Variants in ABHD2 observed in about 807,000 individuals in gnomAD.
ABHD2 encodes the protein monoacylglycerol lipase ABHD2.
A neutral mutation model predicts 48.1 loss-of-function variants in ABHD2; 20 were observed. The observed-to-expected ratio is 0.42, with a 90% confidence interval of 0.29 to 0.60. The LOEUF is 0.60. Among genes scored for constraint, ABHD2 ranks in the 20% least tolerant of loss-of-function variants. The probability of loss-of-function intolerance (pLI) is 0.24; values close to 1 mark genes in which losing one functional copy is unlikely to be tolerated. For synonymous variants in ABHD2, 209 were observed against 214.2 expected (o/e 0.98, Z 0.21); for missense variants, 405 against 550.9 (o/e 0.74, Z 2.65).
the ABHD2 span, among the ~76,000 whole-genome samples, chr15:89,060,948 C>G: frequency 6.6e-6 from 1 of 151,750 alleles, no homozygotes; most frequent in Non-Finnish European, 1.5e-5. Context: ...AACAGGAATG[C>G]AGCTAGAGGC....
In ABHD2 at chr15:89,164,068, G is replaced by A. The variant is rs770905686; in HGVS notation, c.538+8534G>A. Among the ~76,000 whole-genome samples, 9 of 152,222 alleles carry A rather than the reference G, an allele frequency of 5.9e-5. No homozygotes were observed. The highest frequency in any genetic ancestry group is 1.3e-4 in the Non-Finnish European group (9 of 68,042). ...CATCCAAGAGCATCTCAGAGCCACAGAATTGGACCTGTGGGTTTGGTCTTT... is the reference window on the plus strand; with the variant it reads ...CATCCAAGAGCATCTCAGAGCCACAAAATTGGACCTGTGGGTTTGGTCTTT... On this transcript the variant is annotated intron_variant, in intron 5 of 10. Transcript: ENST00000352732. This position sits in a 1 kb window ranked among gnomAD's most constrained non-coding sequence, Gnocchi z 5.0.
chr15:89,100,666 G>A lies in ABHD2; in HGVS notation c.-107+12103G>A, dbSNP rs546299792. ...GGGTGGATCACGAGGTCAGGAGTTCGAGACCAGCCTGGCCAACATAGTGAA... is the reference window on the plus strand; with the variant it reads ...GGGTGGATCACGAGGTCAGGAGTTCAAGACCAGCCTGGCCAACATAGTGAA... On this transcript the variant is annotated intron_variant, in intron 1 of 10. Transcript: ENST00000352732. The surrounding 1 kb of genome is among the most constrained non-coding windows in gnomAD (Gnocchi z 4.4). Among the ~76,000 whole-genome samples, 3 of 152,184 alleles carry A rather than the reference G, an allele frequency of 2.0e-5. No homozygotes were observed. Among genetic ancestry groups the A allele is most frequent in the South Asian group, 4.2e-4 (2 of 4,806 alleles).
the ABHD2 span, among the ~76,000 whole-genome samples, chr15:89,049,854 A>G: frequency 6.6e-6 from 1 of 152,208 alleles, no homozygotes; most frequent in Non-Finnish European, 1.5e-5. Flanking sequence ...CATCTTTTGC[A>G]TCGCTCATGC....
chr15:89,174,371 T>C lies in ABHD2; in HGVS notation c.539-1441T>C, dbSNP rs1009483846. Among the ~76,000 whole-genome samples, 1 of 152,218 alleles carries C rather than the reference T, an allele frequency of 6.6e-6. No homozygotes were observed. Among genetic ancestry groups the C allele is most frequent in the Admixed American group, 6.5e-5 (1 of 15,282 alleles). On this transcript the variant is annotated intron_variant, in intron 5 of 10. Transcript: ENST00000352732. This position sits in a 1 kb window ranked among gnomAD's most constrained non-coding sequence, Gnocchi z 4.1. ...ACAAAGTCACTATAGATTCCTGGGCTTGGTCCCCATCTTACAGAATCAGCT... is the reference window on the plus strand; with the variant it reads ...ACAAAGTCACTATAGATTCCTGGGCCTGGTCCCCATCTTACAGAATCAGCT...
At position 89,201,712 on chromosome 15, in the gene ABHD2, C is replaced by T; in HGVS notation, c.*6289C>T. The stretch of plus-strand genomic sequence containing the variant: ...AATTTAAGATTTGTAGTGACTACAT[C>T]TGTGAAGGGGCCTTTGAATTTGAGG... On this transcript the variant is annotated 3_prime_UTR_variant, in exon 11 of 11. Transcript: ENST00000352732. 2 of 1,607,058 alleles carry T rather than the reference C, an allele frequency of 1.2e-6. No individual in the cohort carries two copies. Among genetic ancestry groups the T allele is most frequent in the South Asian group, 1.1e-5 (1 of 90,952 alleles).
chr15:89,150,932 T>A (rs10520682), intron 3 of ABHD2, among the ~76,000 whole-genome samples: 9,221 of 152,288 alleles, frequency 0.061, 981 homozygotes, highest in African/African-American at 0.21. Context: ...GTAACTTGGA[T>A]CATCTTCTTT....
the ABHD2 span, among the ~76,000 whole-genome samples, chr15:89,052,583 C>T: frequency 1.4e-5 from 2 of 147,554 alleles, no homozygotes; most frequent in East Asian, 2.0e-4. Flanking sequence ...ACACACACGA[C>T]ACACACACAA....
chr15:89,043,472 A>C, the ABHD2 span, among the ~76,000 whole-genome samples: 3 of 140,840 alleles, frequency 2.1e-5, no homozygotes, highest in Non-Finnish European at 4.6e-5. Flanking sequence ...GGAGAAGGAG[A>C]AGGAGAGGAA....
chr15:89,096,818 A>G (rs1454810243), intron 1 of ABHD2, among the ~76,000 whole-genome samples: 2 of 152,236 alleles, frequency 1.3e-5, no homozygotes, highest in African/African-American at 4.8e-5. Flanking sequence ...TGCAGCCAAC[A>G]CTTACCTTCT....
In ABHD2 at chr15:89,115,408, GTGTGTGTGTGTGTGTGTGTGTGTT is replaced by G. The variant is rs879902729; in HGVS notation, c.-6-912_-6-889del. Among the ~76,000 whole-genome samples, 832 of 101,470 alleles carry G rather than the reference GTGTGTGTGTGTGTGTGTGTGTGTT, an allele frequency of 8.2e-3. 11 individuals carry two copies. The highest frequency in any genetic ancestry group is 0.024 in the African/African-American group (769 of 32,026). 66.6% of individuals were successfully genotyped at this position (101,470 alleles called of 152,430 possible). A position where few individuals can be genotyped will look rare whatever the true frequency, so the allele number is the denominator to read the frequency against. ...TGTGTGTGTGTGTGTGTGTGTGTGTGTGTGTGTGTGTGTGTGTGTGTGTTTTGTATATAAGGTAAAGTTACTTCA... is the reference window on the plus strand; with the variant it reads ...TGTGTGTGTGTGTGTGTGTGTGTGTGTTGTATATAAGGTAAAGTTACTTCA... On this transcript the variant is annotated intron_variant, in intron 2 of 10. Transcript: ENST00000352732.
At chr15:89,125,236 C>T (rs2050113467) in intron 3 of ABHD2, among the ~76,000 whole-genome samples, 1 of 148,920 alleles carries the variant, frequency 6.7e-6, no homozygotes, top group South Asian at 2.1e-4. Flanking sequence ...AGCCTGGCGA[C>T]AGAGGGAGAC....
chr15:89,115,799 G>C (rs751422252), intron 2 of ABHD2, among the ~76,000 whole-genome samples: 1 of 152,124 alleles, frequency 6.6e-6, no homozygotes, highest in Non-Finnish European at 1.5e-5. Context: ...GAAGCCAGCA[G>C]GCAGTACAAC....
At chr15:89,129,595 G>A (rs1415154054) in intron 3 of ABHD2, among the ~76,000 whole-genome samples, 1 of 152,114 alleles carries the variant, frequency 6.6e-6, no homozygotes, top group Non-Finnish European at 1.5e-5. Flanking sequence ...GGTAAATCCA[G>A]GGGCCCAAGT....
rs2051425794 is a variant in ABHD2 at position 89,197,532 on chromosome 15, T to G, written c.*2109T>G. 6.6e-6 allele frequency: 1 copy of G among 152,304 alleles called. No homozygotes were observed. The highest frequency in any genetic ancestry group is 2.4e-5 in the African/African-American group (1 of 41,466). 9.4% of individuals were successfully genotyped at this position (152,304 alleles called of 1,614,324 possible). Reference sequence around the variant, plus strand: ...ATAGGTAAACCAAGCAATAACTTCCTAGGACTGAATCACCACCCCAGAAGA... The same window carrying G: ...ATAGGTAAACCAAGCAATAACTTCCGAGGACTGAATCACCACCCCAGAAGA... On this transcript the variant is annotated 3_prime_UTR_variant, in exon 11 of 11. Coordinates refer to ENST00000352732, the MANE Select transcript of ABHD2 (RefSeq NM_152924.5). This position sits in a 1 kb window ranked among gnomAD's most constrained non-coding sequence, Gnocchi z 4.4.
intron 1 of ABHD2, among the ~76,000 whole-genome samples, chr15:89,093,219 C>A (rs1483017697): frequency 9.2e-6 from 1 of 108,290 alleles, no homozygotes; most frequent in Non-Finnish European, 1.7e-5. Flanking sequence ...TCACTTTTGT[C>A]TCCCAGGCTG....
the ABHD2 span, among the ~76,000 whole-genome samples, chr15:89,051,637 G>A: frequency 6.6e-6 from 1 of 152,198 alleles, no homozygotes; most frequent in Non-Finnish European, 1.5e-5. Flanking sequence ...TCTTTCCCGT[G>A]TTGTTCTCGT....
At chr15:89,121,236 A>G (rs1362223520) in intron 3 of ABHD2, among the ~76,000 whole-genome samples, 1 of 152,158 alleles carries the variant, frequency 6.6e-6, no homozygotes, top group Admixed American at 6.5e-5. Flanking sequence ...TCTATGTAAA[A>G]TGAAATAGGT....
chr15:89,079,950 G>T, the ABHD2 span, among the ~76,000 whole-genome samples: 5 of 152,176 alleles, frequency 3.3e-5, no homozygotes, highest in South Asian at 1.0e-3. The surrounding 1 kb of genome is among the most constrained non-coding windows in gnomAD (Gnocchi z 4.3). Flanking sequence ...CTCTACTTTG[G>T]ACAAGACTGG....
intron 5 of ABHD2, among the ~76,000 whole-genome samples, chr15:89,169,285 C>T (rs1162729659): frequency 6.6e-6 from 1 of 152,140 alleles, no homozygotes; most frequent in Non-Finnish European, 1.5e-5. Context: ...CATGAGTAGA[C>T]ATGGCCCTAC....
Sources: gnomAD v4.1 joint callset for allele counts (sites outside exome capture counted in the v4.1 genomes callset) on GRCh38, gnomAD v4.1.1 for gene constraint, Gnocchi (gnomAD v3.1) non-coding constraint, MANE v1.5 for transcripts, NCBI Gene and HGNC (gene_info 2026-07-23, HGNC 2026-07-21) for gene names.